The following SLC23A2 variants were observed in gnomAD, a reference collection of about 807,000 sequenced individuals.
The protein encoded by SLC23A2 is Na(+)/L-ascorbic acid transporter 2.
SLC23A2 carries 36 observed loss-of-function variants against 73.3 expected under a neutral mutation model. The ratio of observed to expected loss-of-function variants is 0.49; its 90% confidence interval spans 0.38 to 0.65. SLC23A2 has a LOEUF of 0.65. SLC23A2 is among the 30% of genes least tolerant of loss of function. The pLI is 0.00. For synonymous variants in SLC23A2, 343 were observed against 327.3 expected, an observed-to-expected ratio of 1.05 and a Z score of -0.52; for missense variants, 507 against 841.6, an observed-to-expected ratio of 0.60 and a Z score of 4.92.
intron 1 of SLC23A2, among the ~76,000 whole-genome samples, chr20:4,987,751 G>A (rs2122305490): frequency 6.6e-6 from 1 of 152,092 alleles, no homozygotes; most frequent in Non-Finnish European, 1.5e-5. Flanking sequence ...GGGAGGCTGA[G>A]GCAGGAGAAT....
intron 2 of SLC23A2, among the ~76,000 whole-genome samples, chr20:4,956,440 T>C (rs984095816): frequency 2.0e-5 from 3 of 152,228 alleles, no homozygotes; most frequent in Non-Finnish European, 4.4e-5. Context: ...AGAAGAAACC[T>C]AAATGTAAGA....
chr20:4,934,771 G>A (rs1002646284), intron 2 of SLC23A2, among the ~76,000 whole-genome samples: 3 of 151,966 alleles, frequency 2.0e-5, no homozygotes, highest in African/African-American at 4.8e-5. Context: ...GCTGAGGCAG[G>A]AGGATCACTC....
intron 1 of SLC23A2, among the ~76,000 whole-genome samples, chr20:5,007,405 C>A (rs1321958690): frequency 6.6e-6 from 1 of 152,078 alleles, no homozygotes; most frequent in Non-Finnish European, 1.5e-5. Flanking sequence ...GTGACATACA[C>A]GTGTAGTCCC....
chr20:4,941,563 G>A lies in SLC23A2; in HGVS notation c.-154-8847C>T, dbSNP rs139192144. ...CTAAAAATATAAAAAATAGCCAGGC[G>A]TGGTGGAGCATGCCTGTAATCCCAG... On this transcript the variant is annotated intron_variant, in intron 2 of 16. Coordinates refer to ENST00000338244, the MANE Select transcript of SLC23A2 (RefSeq NM_005116.6). Among the ~76,000 whole-genome samples the A allele has an allele frequency of 6.2e-3, 935 of 151,926 alleles. 13 individuals carry two copies. The highest frequency in any genetic ancestry group is 0.021 in the African/African-American group (884 of 41,426).
Position 4,862,101 on chromosome 20 carries a change from C to T in SLC23A2, c.1487-16G>A, listed in dbSNP as rs768645279. ...GTGATCATTCCTGGAGAAAAACAAA[C>T]CAGACCACAAGCTCCAGCACCACTA... On this transcript the variant is annotated splice_polypyrimidine_tract_variant and intron_variant, in intron 14 of 16. Coordinates refer to ENST00000338244, the MANE Select transcript of SLC23A2 (RefSeq NM_005116.6). The surrounding 1 kb of genome is among the most constrained non-coding windows in gnomAD (Gnocchi z 5.1). 6.2e-7 allele frequency: 1 copy of T among 1,613,602 alleles called. No homozygotes were observed. The highest frequency in any genetic ancestry group is 1.1e-5 in the South Asian group (1 of 91,018).
Position 4,862,628 on chromosome 20 carries a change from TA to T in SLC23A2, c.1486+149del. On this transcript the variant is annotated intron_variant, in intron 14 of 16. Coordinates refer to ENST00000338244, the MANE Select transcript of SLC23A2 (RefSeq NM_005116.6). The surrounding 1 kb of genome is among the most constrained non-coding windows in gnomAD (Gnocchi z 5.1). ...AATATAAATTCAACTCAGAGAGTGA[TA>T]AAAGTTTTCATTTTTTGAAGGCATA... 1.5e-6 allele frequency: 1 copy of T among 653,958 alleles called. No homozygotes were observed. Among genetic ancestry groups the T allele is most frequent in the Non-Finnish European group, 2.6e-6 (1 of 386,710 alleles). 40.5% of individuals were successfully genotyped at this position (653,958 alleles called of 1,614,324 possible). A position where few individuals can be genotyped will look rare whatever the true frequency, so the allele number is the denominator to read the frequency against.
At chr20:4,973,501 C>A (rs1349760286) in intron 1 of SLC23A2, among the ~76,000 whole-genome samples, 2 of 152,164 alleles carry the variant, frequency 1.3e-5, no homozygotes, top group African/African-American at 2.4e-5. Context: ...TGAGACCAAA[C>A]CACAGAACTG....
intron 9 of SLC23A2, among the ~76,000 whole-genome samples, chr20:4,882,455 A>G (rs1930926902): frequency 7.2e-6 from 1 of 139,730 alleles, no homozygotes; most frequent in Non-Finnish European, 1.6e-5. Context: ...AACCTTGTTT[A>G]AAGAAAAAAA....
chr20:5,002,122 T>C (rs759273066), upstream of SLC23A2, among the ~76,000 whole-genome samples: 1 of 152,124 alleles, frequency 6.6e-6, no homozygotes, highest in Non-Finnish European at 1.5e-5. Context: ...ACTTCTAAAT[T>C]GTCCCCAGGT....
At chr20:4,976,983 A>G (rs1465025580) in intron 1 of SLC23A2, among the ~76,000 whole-genome samples, 3 of 152,184 alleles carry the variant, frequency 2.0e-5, no homozygotes, top group African/African-American at 7.2e-5. Flanking sequence ...CTCAAAAAAA[A>G]AATAACAAAA....
Position 4,854,524 on chromosome 20 carries a change from A to G in SLC23A2, c.*2448T>C, listed in dbSNP as rs577918155. 6.6e-6 allele frequency: 1 copy of G among 151,886 alleles called. No homozygotes were observed. The highest frequency in any genetic ancestry group is 2.4e-5 in the African/African-American group (1 of 41,384). The allele number at this position is 151,886 out of a possible 1,614,324, so 9.4% of individuals were successfully genotyped here. On this transcript the variant is annotated 3_prime_UTR_variant, in exon 17 of 17. Coordinates refer to ENST00000338244, the MANE Select transcript of SLC23A2 (RefSeq NM_005116.6). ...AGTCAGGCTGCCCTCTTTGCTCCCC[A>G]CCTCCTATTCCCTTACCCCTCCTCG...
chr20:4,957,186 G>A (rs568463855), intron 2 of SLC23A2, among the ~76,000 whole-genome samples: 2 of 152,182 alleles, frequency 1.3e-5, no homozygotes, highest in Admixed American at 1.3e-4. Flanking sequence ...CAAGCATAGT[G>A]GCTTATGCTT....
chr20:4,940,095 A>G (rs1331134879), intron 2 of SLC23A2, among the ~76,000 whole-genome samples: 1 of 152,124 alleles, frequency 6.6e-6, no homozygotes, highest in Non-Finnish European at 1.5e-5. Context: ...AAGCAGGTGG[A>G]TCACCTGAGC....
chr20:4,972,364 T>C (rs2087574424), intron 1 of SLC23A2, among the ~76,000 whole-genome samples: 1 of 152,092 alleles, frequency 6.6e-6, no homozygotes, highest in Non-Finnish European at 1.5e-5. Context: ...TTTTTTTTTT[T>C]TAATTTTGGA....
chr20:4,859,310 T>C lies in SLC23A2; in HGVS notation c.1699A>G (p.Ile567Val). Residue 567 changes from isoleucine (I) to valine (V), a missense_variant, in exon 16 of 17, where the codon ATC (isoleucine) becomes GTC (valine). Ile to Val is a conservative substitution (Grantham distance 29). Coordinates refer to ENST00000338244, the MANE Select transcript of SLC23A2 (RefSeq NM_005116.6). The stretch of plus-strand genomic sequence containing the variant: ...GTACCTGGGATGGTGTTATCCAGGA[T>C]AAAAGCCACACAGCCCCCTACAAAC... ...AMFVGGCVAF[I>V]LDNTIPGTPE... The C allele has an allele frequency of 6.2e-7, 1 of 1,606,482 alleles. No homozygotes were observed. The highest frequency in any genetic ancestry group is 8.5e-7 in the Non-Finnish European group (1 of 1,175,198).
At chr20:4,870,101 G>A (rs1345635868) in intron 11 of SLC23A2, 48 bp from the exon 12 acceptor site, 1 of 1,510,490 alleles carries the variant, frequency 6.6e-7, no homozygotes, top group South Asian at 1.3e-5. Flanking sequence ...GCAGGCGAAA[G>A]TGACCAGGAC....
chr20:4,954,713 A>G (rs569097833), intron 2 of SLC23A2, among the ~76,000 whole-genome samples: 141 of 150,220 alleles, frequency 9.4e-4, no homozygotes, highest in South Asian at 2.1e-3. Context: ...AAAAAAAAAA[A>G]AAAGAAAGAA....
chr20:4,953,758 G>A (rs532605868), intron 2 of SLC23A2, among the ~76,000 whole-genome samples: 6 of 152,032 alleles, frequency 3.9e-5, no homozygotes, highest in African/African-American at 4.8e-5. Flanking sequence ...GTGTGGTGGC[G>A]CACACCTGTA....
intron 5 of SLC23A2, among the ~76,000 whole-genome samples, chr20:4,901,934 T>C (rs1931758379): frequency 1.3e-5 from 2 of 152,218 alleles, no homozygotes; most frequent in South Asian, 4.1e-4. Context: ...GCTTGTGCCC[T>C]GAACATCTTC....
Sources: allele counts gnomAD v4.1 joint callset (sites outside exome capture counted in the v4.1 genomes callset), GRCh38; gene constraint gnomAD v4.1.1; non-coding constraint Gnocchi (gnomAD v3.1); transcripts MANE v1.5; gene names NCBI Gene and HGNC (gene_info 2026-07-23, HGNC 2026-07-21).